ACAT1: variants seen among roughly 807,000 people sequenced by gnomAD.
ACAT1 encodes acetyl-CoA acetyltransferase 1, also known as acetyl-CoA acetyltransferase, mitochondrial.
Under a neutral mutation model 47.3 loss-of-function variants are expected in ACAT1, and 28 were observed. The observed-to-expected ratio is 0.59, with a 90% confidence interval of 0.44 to 0.81. The LOEUF (loss-of-function observed/expected upper bound fraction) is 0.81. Ranked by LOEUF, ACAT1 falls within the 30% of genes least tolerant of loss-of-function variation. ACAT1 has a pLI of 0.00. For missense variants in ACAT1, 469 were observed against 524.3 expected (o/e 0.89, Z 1.03); for synonymous variants, 181 against 173.6 (o/e 1.04, Z -0.34).
At chr11:108,118,817 C>G (rs182760025), upstream of ACAT1, among the ~76,000 whole-genome samples, 6 of 152,186 alleles carry the variant, frequency 3.9e-5, no homozygotes, top group African/African-American at 1.4e-4. Flanking sequence ...ATTCTTCTCC[C>G]CTCAATGCTC....
chr11:108,145,517 A>G (rs1255608769), intron 10 of ACAT1, among the ~76,000 whole-genome samples: 3 of 152,116 alleles, frequency 2.0e-5, no homozygotes, highest in Admixed American at 6.6e-5. Context: ...TGGGTGACAG[A>G]GCAAGACCCT....
At chr11:108,117,324 T>TA (rs1864970954), upstream of ACAT1, among the ~76,000 whole-genome samples, 7 of 147,230 alleles carry the variant, frequency 4.8e-5, 1 homozygote, top group South Asian at 1.5e-3. Flanking sequence ...TTTTTTTTTT[T>TA]GGAGACAGAG....
upstream of ACAT1, among the ~76,000 whole-genome samples, chr11:108,117,073 GA>G (rs974529013): frequency 6.6e-6 from 1 of 152,070 alleles, no homozygotes; most frequent in Non-Finnish European, 1.5e-5. Flanking sequence ...GGCAGAGGAA[GA>G]AGTTTGAGGC....
At chr11:108,130,339 C>T (rs759029439) in intron 1 of ACAT1, among the ~76,000 whole-genome samples, 33 of 151,978 alleles carry the variant, frequency 2.2e-4, no homozygotes, top group Admixed American at 9.8e-4. Context: ...AGGCAGTGAC[C>T]GGCATGTTTA....
rs1057517702 is a variant in ACAT1 at position 108,144,025 on chromosome 11, C to T, written c.983C>T (p.Ala328Val). ...AAVEPIDFPIAPVYAASMVLK... is the reference protein window; with the variant it reads ...AAVEPIDFPIVPVYAASMVLK... ...GTAGAACCTATTGATTTTCCAATTG[C>T]TCCTGTATATGCTGCATCTATGGTG... Residue 328 changes from alanine to valine, a missense_variant, in exon 10 of 12, where the codon GCT becomes GTT. Transcript: ENST00000265838. The T allele has an allele frequency of 7.4e-7, 1 of 1,354,618 alleles. No homozygotes were observed. The highest frequency in any genetic ancestry group is 9.8e-7 in the Non-Finnish European group (1 of 1,018,612). The allele number at this position is 1,354,618 out of a possible 1,614,324, so 83.9% of individuals were successfully genotyped here.
At position 108,122,691 on chromosome 11, in the gene ACAT1, G is replaced by T. The variant is rs533092383; in HGVS notation, c.72+1013G>T. On this transcript the variant is annotated intron_variant, in intron 1 of 11. Coordinates refer to ENST00000265838, the MANE Select transcript of ACAT1 (RefSeq NM_000019.4). The stretch of plus-strand genomic sequence containing the variant: ...GGGTGCGAAGCCAAGGGAAAAGAAA[G>T]AGTCTAAAATTGATCCTGGGTGACT... Among the ~76,000 whole-genome samples, 9 of 152,314 alleles carry T rather than the reference G, an allele frequency of 5.9e-5. No homozygotes were observed. In the South Asian group the frequency reaches 1.5e-3, roughly 25 times the overall value.
At chr11:108,135,337 TTC>T (rs1353663623) in intron 5 of ACAT1, 95 bp downstream of exon 5, 12 of 899,272 alleles carry the variant, frequency 1.3e-5, no homozygotes, top group Middle Eastern at 4.3e-4. Context: ...AGAAATGAGA[TTC>T]TTTCTCATAA....
upstream of ACAT1, chr11:108,121,200 CA>C (rs10561331): frequency 0.16 from 40,782 of 250,708 alleles, 1,800 homozygotes; most frequent in African/African-American, 0.2. Context: ...GACCTTGTCT[CA>C]AAAAAAAAAA....
chr11:108,133,206 A>G (rs1404861063), intron 2 of ACAT1, among the ~76,000 whole-genome samples: 1 of 151,998 alleles, frequency 6.6e-6, no homozygotes, highest in African/African-American at 2.4e-5. Flanking sequence ...AAAAAAAGAA[A>G]TTCTGGCCCT....
At chr11:108,118,178 G>T (rs1184587146), upstream of ACAT1, among the ~76,000 whole-genome samples, 2 of 152,118 alleles carry the variant, frequency 1.3e-5, no homozygotes, top group Non-Finnish European at 2.9e-5. Flanking sequence ...AGCACTTTGG[G>T]AGACTGAGGG....
At chr11:108,127,693 T>C (rs928198841) in intron 1 of ACAT1, among the ~76,000 whole-genome samples, 5 of 152,120 alleles carry the variant, frequency 3.3e-5, no homozygotes, top group African/African-American at 9.7e-5. Flanking sequence ...GAAGATGAGA[T>C]AGTAAAGGAG....
intron 5 of ACAT1, 67 bp downstream of exon 5, chr11:108,135,309 T>A: frequency 8.7e-7 from 1 of 1,152,708 alleles, no homozygotes. Context: ...CACAAAAATC[T>A]AGGCATATTC....
At position 108,142,409 on chromosome 11, in the gene ACAT1, T is replaced by G. The variant is rs760150626; in HGVS notation, c.827-28T>G. Reference sequence around the variant, plus strand: ...AATACATTTATTGTGAAGGAATGTTTTGACTTCAACCTCATTTTTGCTTTC... The same window carrying G: ...AATACATTTATTGTGAAGGAATGTTGTGACTTCAACCTCATTTTTGCTTTC... On this transcript the variant is annotated intron_variant, in intron 8 of 11. Coordinates refer to ENST00000265838, the MANE Select transcript of ACAT1 (RefSeq NM_000019.4). 2.6e-6 allele frequency: 4 copies of G among 1,551,602 alleles called. No individual in the cohort carries two copies. The Admixed American group carries it at 6.7e-5, about 26-fold the overall frequency.
At chr11:108,135,999 T>C in intron 5 of ACAT1, 1 of 536,342 alleles carries the variant, frequency 1.9e-6, no homozygotes, top group South Asian at 2.7e-5. Flanking sequence ...ATGACTAATT[T>C]GTAGTCATTA....
rs3741056 is a variant in ACAT1 at position 108,121,619 on chromosome 11, G to C, written c.13G>C (p.Ala5Pro). ...GCCCTCTGCGACCATGGCTGTGCTG[G>C]CGGCACTTCTGCGCAGCGGCGCCCG... is the stretch of plus-strand genomic sequence containing the variant. MAVL[A>P]ALLRSGARSR... Residue 5 changes from alanine (A) to proline (P), a missense_variant, in exon 1 of 12, where the codon GCG becomes CCG. Physicochemically the swap from Ala to Pro is conservative, Grantham distance 27. Coordinates refer to ENST00000265838, the MANE Select transcript of ACAT1 (RefSeq NM_000019.4). 499,394 of 1,550,150 alleles carry C rather than the reference G, an allele frequency of 0.32. 84,198 individuals carry two copies. The highest frequency in any genetic ancestry group is 0.48 in the South Asian group (40,538 of 84,078).
chr11:108,145,989 G>A, intron 10 of ACAT1: 1 of 456,158 alleles, frequency 2.2e-6, no homozygotes, highest in Non-Finnish European at 4.0e-6. Flanking sequence ...AGAGGTTATA[G>A]TGAGCCAAGA....
chr11:108,140,486 G>A (rs902023998), intron 7 of ACAT1, among the ~76,000 whole-genome samples: 4 of 152,174 alleles, frequency 2.6e-5, no homozygotes, highest in Middle Eastern at 3.2e-3. Context: ...AAATTGAAAA[G>A]GGATTTACTA....
rs140937719 is a variant in ACAT1 at position 108,138,576 on chromosome 11, T to G, written c.436-322T>G. On this transcript the variant is annotated intron_variant, in intron 5 of 11. Coordinates refer to ENST00000265838, the MANE Select transcript of ACAT1 (RefSeq NM_000019.4). ...CACACCCAGCTAATTTTTGTATTTT[T>G]AGTAGAGACGGGGTTTCACCATGTT... 11 of 343,646 alleles carry G rather than the reference T, an allele frequency of 3.2e-5. No individual in the cohort carries two copies. In the East Asian group the frequency reaches 8.2e-4, roughly 26 times the overall value. 21.3% of individuals were successfully genotyped at this position (343,646 alleles called of 1,614,324 possible). A position where few individuals can be genotyped will look rare whatever the true frequency, so the allele number is the denominator to read the frequency against.
At chr11:108,135,823 C>CA (rs376236318) in intron 5 of ACAT1, among the ~76,000 whole-genome samples, 2,678 of 144,014 alleles carry the variant, frequency 0.019, 57 homozygotes, top group African/African-American at 0.056. Context: ...GCAAGACTCT[C>CA]AAAAAAAAAA....
Sources: gnomAD v4.1 joint callset for allele counts (sites outside exome capture counted in the v4.1 genomes callset) on GRCh38, gnomAD v4.1.1 for gene constraint, MANE v1.5 for transcripts, NCBI Gene and HGNC (gene_info 2026-07-23, HGNC 2026-07-21) for gene names.